The following PCDHGA7 variants were observed in gnomAD, a reference collection of about 807,000 sequenced individuals.
PCDHGA7 encodes the protein protocadherin gamma subfamily A, 7, also known as protocadherin gamma-A7.
A neutral mutation model predicts 58.3 loss-of-function variants in PCDHGA7; 44 were observed. That is an observed-to-expected ratio of 0.75 (90% confidence interval 0.59 to 0.97). The LOEUF (loss-of-function observed/expected upper bound fraction) is 0.97. Ranked by LOEUF, PCDHGA7 falls within the 50% of genes least tolerant of loss-of-function variation. PCDHGA7 has a pLI of 0.00. For missense variants in PCDHGA7, 1,266 were observed against 1,188.7 expected (o/e 1.06, Z -0.96); for synonymous variants, 516 against 504.2 (o/e 1.02, Z -0.31).
chr5:141,390,239 C>T (rs769717528), intron 1 of PCDHGA7: 1 of 1,614,022 alleles, frequency 6.2e-7, no homozygotes, highest in Admixed American at 1.7e-5. Flanking sequence ...CATCTGGGGC[C>T]TTATTTCCAC....
intron 1 of PCDHGA7, chr5:141,484,946 C>T (rs2154580274): frequency 3.6e-6 from 2 of 561,448 alleles, no homozygotes; most frequent in Non-Finnish European, 6.4e-6. Flanking sequence ...CTCTGCTCAG[C>T]CTATTGGCTG....
intron 1 of PCDHGA7, chr5:141,413,563 A>G: frequency 6.2e-7 from 1 of 1,613,918 alleles, no homozygotes; most frequent in Non-Finnish European, 8.5e-7. Context: ...AGTAACTGAT[A>G]TCAATGACAA....
chr5:141,428,508 T>G, intron 1 of PCDHGA7: 1 of 279,550 alleles, frequency 3.6e-6, no homozygotes, highest in South Asian at 4.0e-5. Flanking sequence ...CCTCGGATTC[T>G]AGAAAAAGAA....
At chr5:141,451,151 A>AT (rs1324071351) in intron 1 of PCDHGA7, among the ~76,000 whole-genome samples, 2 of 152,190 alleles carry the variant, frequency 1.3e-5, no homozygotes, top group Admixed American at 6.5e-5. Context: ...TAGACTAGAC[A>AT]TTTTTTTGGT....
At chr5:141,415,198 G>T in intron 1 of PCDHGA7, 2 of 1,614,038 alleles carry the variant, frequency 1.2e-6, no homozygotes, top group Non-Finnish European at 1.7e-6. Context: ...CATCCCCCAA[G>T]TCCTGGCGGA....
chr5:141,394,189 C>G lies in PCDHGA7; in HGVS notation c.2424+8866C>G, dbSNP rs543330174. The stretch of plus-strand genomic sequence containing the variant: ...ACTTTCCCTCATGCCTCCTACTCAG[C>G]GTATATCCTAGAGAACAACCTGAGA... On this transcript the variant is annotated intron_variant, in intron 1 of 3. Coordinates refer to ENST00000518325, the MANE Select transcript of PCDHGA7 (RefSeq NM_018920.4). 4 of 1,613,892 alleles carry G rather than the reference C, an allele frequency of 2.5e-6. No homozygotes were observed. The East Asian group carries it at 6.7e-5, about 27-fold the overall frequency.
chr5:141,394,317 T>C, intron 1 of PCDHGA7: 1 of 1,613,972 alleles, frequency 6.2e-7, no homozygotes, highest in Non-Finnish European at 8.5e-7. Flanking sequence ...GGCGCCCCTG[T>C]CCTCGTATAT....
In PCDHGA7 at chr5:141,383,778, T is replaced by C. The variant is rs764919264; in HGVS notation, c.879T>C (p.His293=). 5 of 1,613,886 alleles carry C rather than the reference T, an allele frequency of 3.1e-6. No individual in the cohort carries two copies. In the African/African-American group the frequency reaches 6.7e-5, roughly 22 times the overall value. ...CTCCTAAACTTCCAAAGATGTTTCA[T>C]CTGAACTCGCTTACAGGAGAAATAT... ...KITPKLPKMF[H]LNSLTGEIST... The change falls in exon 1 of 4, where the codon CAT becomes CAC. Residue 293 remains histidine, a synonymous_variant. Coordinates refer to ENST00000518325, the MANE Select transcript of PCDHGA7 (RefSeq NM_018920.4).
In PCDHGA7 at chr5:141,385,196, G is replaced by C. The variant is rs760255338; in HGVS notation, c.2297G>C (p.Ser766Thr). The change falls in exon 1 of 4, where the codon AGT becomes ACT. Residue 766 changes from serine to threonine, a missense_variant. Transcript: ENST00000518325. ...EVSLTADSRK[S>T]HLIFPQPNYV... The stretch of plus-strand genomic sequence containing the variant: ...TCCCTCACCGCGGACTCTCGGAAGA[G>C]TCACCTGATCTTCCCCCAGCCCAAC... 3.7e-5 allele frequency: 60 copies of C among 1,614,112 alleles called. No individual in the cohort carries two copies. The highest frequency in any genetic ancestry group is 5.1e-5 in the Non-Finnish European group (60 of 1,180,058).
chr5:141,420,197 A>C (rs760921171), intron 1 of PCDHGA7: 2 of 1,613,630 alleles, frequency 1.2e-6, no homozygotes, highest in South Asian at 2.2e-5. Context: ...CACACAAGAT[A>C]ACCTCAACAA....
At chr5:141,405,251 C>T (rs1462013657) in intron 1 of PCDHGA7, 1 of 1,614,124 alleles carries the variant, frequency 6.2e-7, no homozygotes, top group Admixed American at 1.7e-5. Context: ...AAGGAAGAGT[C>T]ACCTGATCTT....
intron 1 of PCDHGA7, among the ~76,000 whole-genome samples, chr5:141,401,533 CA>C: frequency 6.6e-6 from 1 of 151,790 alleles, no homozygotes; most frequent in East Asian, 1.9e-4. Flanking sequence ...AAGAAACTTA[CA>C]AAAAAAAGGA....
chr5:141,409,951 G>C (rs1480000390), intron 1 of PCDHGA7: 1 of 1,613,256 alleles, frequency 6.2e-7, no homozygotes, highest in Non-Finnish European at 8.5e-7. Flanking sequence ...GCTCTGCAGA[G>C]CCCGGCTACC....
At position 141,490,027 on chromosome 5, in the gene PCDHGA7, C is replaced by T. The variant is rs767829552; in HGVS notation, c.2425-4780C>T. Reference sequence around the variant, plus strand: ...TGCACCCATTGGTACTCTGCTGCTCCGCCTCAATGCCACTGATCCAGACGA... The same window carrying T: ...TGCACCCATTGGTACTCTGCTGCTCTGCCTCAATGCCACTGATCCAGACGA... On this transcript the variant is annotated intron_variant, in intron 1 of 3. Coordinates refer to ENST00000518325, the MANE Select transcript of PCDHGA7 (RefSeq NM_018920.4). This position sits in a 1 kb window ranked among gnomAD's most constrained non-coding sequence, Gnocchi z 5.4. The T allele has an allele frequency of 2.4e-5, 39 of 1,614,096 alleles. No homozygotes were observed. The highest frequency in any genetic ancestry group is 4.0e-5 in the African/African-American group (3 of 74,942).
rs181495329 is a variant in PCDHGA7, at chr5:141,489,120, G to A, written c.2425-5687G>A. ...AACTGCTGCAAGCAGGCAAACCTCC[G>A]AGCAGTTTTTAAGAGGCTGGAAGGA... is the stretch of plus-strand genomic sequence containing the variant. On this transcript the variant is annotated intron_variant, in intron 1 of 3. Coordinates refer to ENST00000518325, the MANE Select transcript of PCDHGA7 (RefSeq NM_018920.4). This position sits in a 1 kb window ranked among gnomAD's most constrained non-coding sequence, Gnocchi z 4.5. 1.8e-5 allele frequency: 8 copies of A among 445,672 alleles called. No homozygotes were observed. The East Asian group carries it at 1.9e-4, about 11-fold the overall frequency. The allele number at this position is 445,672 out of a possible 1,614,324, so 27.6% of individuals were successfully genotyped here.
At chr5:141,448,331 A>T (rs2098582637) in intron 1 of PCDHGA7, among the ~76,000 whole-genome samples, 1 of 152,146 alleles carries the variant, frequency 6.6e-6, no homozygotes, top group Non-Finnish European at 1.5e-5. Flanking sequence ...GAATCTTTAT[A>T]GCCATGTACC....
rs1379023118 is a variant in PCDHGA7, at chr5:141,487,609, G to A, written c.2425-7198G>A. ...GCCCACCCTCTGATCTTCTCTATGG[G>A]CTAGAGGTGAGACCTTTGCAGGCTC... On this transcript the variant is annotated intron_variant, in intron 1 of 3. Transcript: ENST00000518325. The surrounding 1 kb of genome is among the most constrained non-coding windows in gnomAD (Gnocchi z 5.0). 1 of 1,614,202 alleles carries A rather than the reference G, an allele frequency of 6.2e-7. No individual in the cohort carries two copies. The highest frequency in any genetic ancestry group is 1.1e-5 in the South Asian group (1 of 91,084).
intron 2 of PCDHGA7, 57 bp downstream of exon 2, chr5:141,494,922 C>G: frequency 6.2e-7 from 1 of 1,613,670 alleles, no homozygotes; most frequent in Admixed American, 1.7e-5. Context: ...TCAGGGATGA[C>G]GTGGGAGGAG....
intron 1 of PCDHGA7, chr5:141,391,595 T>C (rs1353226414): frequency 6.6e-6 from 1 of 152,188 alleles, no homozygotes; most frequent in Non-Finnish European, 1.5e-5. Flanking sequence ...AAATATAAAG[T>C]TTTCAGATTT....
Sources: allele counts gnomAD v4.1 joint callset (sites outside exome capture counted in the v4.1 genomes callset), GRCh38; gene constraint gnomAD v4.1.1; non-coding constraint Gnocchi (gnomAD v3.1); transcripts MANE v1.5; gene names NCBI Gene and HGNC (gene_info 2026-07-23, HGNC 2026-07-21).